VRK2: variants seen among roughly 807,000 people sequenced by gnomAD.
VRK2 encodes the protein VRK serine/threonine kinase 2.
Under a neutral mutation model 57.6 loss-of-function variants are expected in VRK2, and 60 were observed. The ratio of observed to expected loss-of-function variants is 1.04; its 90% CI spans 0.85 to 1.29. The LOEUF (loss-of-function observed/expected upper bound fraction) is 1.29. VRK2 is among the 50% of genes most tolerant of loss of function. The pLI is 0.00. For missense variants in VRK2, 705 were observed against 588.1 expected (o/e 1.20, Z -2.06); for synonymous variants, 231 against 199.2 (o/e 1.16, Z -1.35).
chr2:58,035,467 A>C (rs1201339855), intron 3 of VRK2, among the ~76,000 whole-genome samples: 2 of 151,974 alleles, frequency 1.3e-5, no homozygotes, highest in Non-Finnish European at 2.9e-5. Flanking sequence ...GTATCTATGT[A>C]GCATGAATTA....
At chr2:57,933,518 C>G (rs1670807641) in intron 1 of VRK2, among the ~76,000 whole-genome samples, 1 of 151,308 alleles carries the variant, frequency 6.6e-6, no homozygotes, top group Non-Finnish European at 1.5e-5. Context: ...TCACCCTGGC[C>G]AGGATAGTCT....
intron 1 of VRK2, among the ~76,000 whole-genome samples, chr2:57,938,402 G>A (rs964257999): frequency 2.6e-5 from 4 of 152,114 alleles, no homozygotes; most frequent in Admixed American, 1.3e-4. Flanking sequence ...GAAGAAAATT[G>A]GGTACTGGAA....
intron 1 of VRK2, among the ~76,000 whole-genome samples, chr2:57,912,042 T>C (rs1450901974): frequency 1.3e-5 from 2 of 152,226 alleles, no homozygotes; most frequent in Non-Finnish European, 2.9e-5. Context: ...ATAAAAGGGC[T>C]GGATTTACAA....
chr2:58,104,157 A>G (rs1007260846), intron 7 of VRK2, among the ~76,000 whole-genome samples: 10 of 151,842 alleles, frequency 6.6e-5, no homozygotes, highest in Admixed American at 6.6e-4. Context: ...GGAATAAGAC[A>G]AGAATGCCCA....
At chr2:58,149,836 CT>C (rs1266134889) in intron 12 of VRK2, among the ~76,000 whole-genome samples, 1 of 151,372 alleles carries the variant, frequency 6.6e-6, no homozygotes, top group Admixed American at 6.6e-5. Flanking sequence ...TTAAATCAAC[CT>C]TTTATTTCTG....
At position 58,131,877 on chromosome 2, in the gene VRK2, C is replaced by G. The variant is rs1417260150; in HGVS notation, c.746C>G (p.Pro249Arg). ...CTGCGGTGGTTGTGTGGGAAACTTC[C>G]CTGGGAACAGAACCTGAAGGACCCT... ...CMLRWLCGKL[P>R]WEQNLKDPVA... The change falls in exon 9 of 13, where the codon CCC becomes CGC. Residue 249 changes from proline to arginine, a missense_variant. By Grantham distance (103) the Pro-to-Arg change is moderately radical. Transcript: ENST00000340157. The G allele has an allele frequency of 6.2e-7, 1 of 1,613,952 alleles. No individual in the cohort carries two copies. The highest frequency in any genetic ancestry group is 1.1e-5 in the South Asian group (1 of 91,076).
Position 58,159,560 on chromosome 2 carries a change from A to G in VRK2, c.1394A>G (p.Glu465Gly), listed in dbSNP as rs760396835. 6.2e-7 allele frequency: 1 copy of G among 1,613,852 alleles called. No homozygotes were observed. Among genetic ancestry groups the G allele is most frequent in the Admixed American group, 1.7e-5 (1 of 59,994 alleles). ...GTCAGCACGGGGATCACAGACTTAG[A>G]AAGTTCAACTGGACTTTGGCCTACA... ...STVSTGITDL[E>G]SSTGLWPTIS... The change falls in exon 13 of 13, where the codon GAA becomes GGA. Residue 465 changes from glutamate to glycine, a missense_variant. Transcript: ENST00000340157.
Position 57,978,594 on chromosome 2 carries a change from T to A in VRK2, c.-438-47071T>A, listed in dbSNP as rs994133517. Among the ~76,000 whole-genome samples the A allele has an allele frequency of 5.5e-4, 83 of 151,110 alleles. 2 individuals carry two copies. The highest frequency in any genetic ancestry group is 2.0e-3 in the African/African-American group (80 of 40,548). On this transcript the variant is annotated intron_variant, in intron 1 of 15. Coordinates refer to the VRK2 transcript ENST00000417641. ...ATTGATTGACATATTGGGTGCCACA[T>A]CACTAGAGACATGGATCATGTGATC... is the stretch of plus-strand genomic sequence containing the variant.
At chr2:58,054,130 G>A (rs1371031297) in intron 2 of VRK2, among the ~76,000 whole-genome samples, 1 of 152,030 alleles carries the variant, frequency 6.6e-6, no homozygotes, top group East Asian at 1.9e-4. Flanking sequence ...TAAGAAATCT[G>A]GGTGTTTAAG....
chr2:58,142,892 G>C (rs1681550786), intron 11 of VRK2, among the ~76,000 whole-genome samples: 1 of 151,808 alleles, frequency 6.6e-6, no homozygotes, highest in South Asian at 2.1e-4. Context: ...TAATATGTTA[G>C]TATATTGTAA....
intron 1 of VRK2, among the ~76,000 whole-genome samples, chr2:57,987,982 G>A (rs1256806295): frequency 6.6e-6 from 1 of 152,156 alleles, no homozygotes; most frequent in African/African-American, 2.4e-5. Flanking sequence ...CAGATCAGTT[G>A]TTACTAGGGC....
chr2:58,053,539 A>C (rs890177601), intron 2 of VRK2, among the ~76,000 whole-genome samples: 1 of 152,218 alleles, frequency 6.6e-6, no homozygotes, highest in Non-Finnish European at 1.5e-5. Flanking sequence ...TATATTTAAA[A>C]CAAGTAAATA....
chr2:58,130,241 T>C (rs1402323779), intron 8 of VRK2, among the ~76,000 whole-genome samples: 2 of 152,170 alleles, frequency 1.3e-5, no homozygotes, highest in Non-Finnish European at 2.9e-5. Context: ...TTTTGAAAAT[T>C]AGAGGATATG....
intron 7 of VRK2, among the ~76,000 whole-genome samples, chr2:58,109,707 C>G (rs1009703118): frequency 2.0e-5 from 3 of 152,198 alleles, no homozygotes; most frequent in African/African-American, 7.2e-5. Flanking sequence ...CCCAGGGGTC[C>G]TTCCCTCAAC....
At chr2:58,147,308 T>C in intron 12 of VRK2, 2 of 411,656 alleles carry the variant, frequency 4.9e-6, no homozygotes, top group Non-Finnish European at 9.8e-6. Context: ...ACAGAAATGC[T>C]TTTTTTAGTA....
chr2:57,942,750 A>G (rs1671139721), intron 1 of VRK2, among the ~76,000 whole-genome samples: 1 of 152,212 alleles, frequency 6.6e-6, no homozygotes, highest in South Asian at 2.1e-4. Flanking sequence ...TGTATCAATC[A>G]AATCAAAGGT....
intron 1 of VRK2, among the ~76,000 whole-genome samples, chr2:57,978,434 A>T (rs1672315737): frequency 1.3e-5 from 2 of 151,004 alleles, no homozygotes; most frequent in African/African-American, 5.0e-5. Context: ...ATAACAGAAG[A>T]CCTAAAAAGC....
At chr2:57,941,459 A>G (rs146050521) in intron 1 of VRK2, among the ~76,000 whole-genome samples, 1 of 152,222 alleles carries the variant, frequency 6.6e-6, no homozygotes, top group African/African-American at 2.4e-5. Context: ...TGTGGATTAC[A>G]TTAAGAAAAG....
At chr2:58,082,441 G>A (rs1671021887) in intron 2 of VRK2, among the ~76,000 whole-genome samples, 2 of 151,834 alleles carry the variant, frequency 1.3e-5, no homozygotes, top group Admixed American at 6.6e-5. Context: ...TCTACCTCAG[G>A]TAGCAAAGAC....
Sources: gnomAD v4.1 joint callset for allele counts (sites outside exome capture counted in the v4.1 genomes callset) on GRCh38, gnomAD v4.1.1 for gene constraint, MANE v1.5 for transcripts, NCBI Gene and HGNC (gene_info 2026-07-23, HGNC 2026-07-21) for gene names.